The following BICC1 variants were observed in gnomAD, a reference collection of about 807,000 sequenced individuals.
The protein encoded by BICC1 is BicC family RNA binding protein 1.
BICC1 carries 43 observed loss-of-function variants against 111.0 expected under a neutral mutation model. The observed-to-expected ratio is 0.39, with a 90% CI of 0.30 to 0.50. The LOEUF is 0.50. Among genes scored for constraint, BICC1 ranks in the 20% least tolerant of loss-of-function variants. The pLI is 0.88. For synonymous variants in BICC1, 467 were observed against 434.4 expected, an observed-to-expected ratio of 1.07 and a Z score of -0.93; for missense variants, 1,091 against 1,203.2, an observed-to-expected ratio of 0.91 and a Z score of 1.38.
intron 1 of BICC1, among the ~76,000 whole-genome samples, chr10:58,579,488 A>G (rs973217962): frequency 8.5e-5 from 13 of 152,176 alleles, no homozygotes; most frequent in Admixed American, 5.9e-4. Flanking sequence ...ACGTGTCACC[A>G]TGATCAGATC....
chr10:58,718,825 C>T (rs547957280), intron 3 of BICC1, among the ~76,000 whole-genome samples: 15 of 151,240 alleles, frequency 9.9e-5, no homozygotes, highest in Non-Finnish European at 1.2e-4. Context: ...TGTGTGCGTG[C>T]ATGTTTGCCC....
chr10:58,708,994 C>T (rs1840488208), intron 3 of BICC1, among the ~76,000 whole-genome samples: 1 of 152,152 alleles, frequency 6.6e-6, no homozygotes, highest in African/African-American at 2.4e-5. Context: ...TCTCTTAACT[C>T]CTATATCACA....
chr10:58,686,778 T>C (rs1238216998), intron 2 of BICC1, among the ~76,000 whole-genome samples: 1 of 152,218 alleles, frequency 6.6e-6, no homozygotes, highest in Non-Finnish European at 1.5e-5. Flanking sequence ...CTAATCTTTT[T>C]TCAAGGTTTT....
chr10:58,557,937 G>A (rs777000234), intron 1 of BICC1, among the ~76,000 whole-genome samples: 2 of 151,856 alleles, frequency 1.3e-5, no homozygotes, highest in Non-Finnish European at 2.9e-5. Context: ...AGATATTTTC[G>A]TACTCTTGAG....
chr10:58,694,268 G>T (rs535035784), intron 2 of BICC1, among the ~76,000 whole-genome samples: 2 of 152,144 alleles, frequency 1.3e-5, no homozygotes. Context: ...GTGGTTTTAT[G>T]ACTGGGAGAC....
chr10:58,786,118 T>C (rs1273178251), intron 4 of BICC1, among the ~76,000 whole-genome samples: 3 of 152,210 alleles, frequency 2.0e-5, no homozygotes, highest in Non-Finnish European at 2.9e-5. Context: ...ATTTTTGACA[T>C]ATTTTGATAT....
intron 3 of BICC1, among the ~76,000 whole-genome samples, chr10:58,747,278 A>G (rs1841861578): frequency 6.6e-6 from 1 of 152,122 alleles, no homozygotes. Flanking sequence ...ATTGCACCCA[A>G]ATCTTACAAG....
intron 16 of BICC1, 115 bp from the exon 17 acceptor site, chr10:58,806,889 A>G (rs1322514491): frequency 6.3e-6 from 6 of 957,282 alleles, no homozygotes; most frequent in Non-Finnish European, 9.3e-6. Flanking sequence ...GTGTTAAGAA[A>G]TAACATTCAG....
At chr10:58,594,563 C>T (rs192931287) in intron 1 of BICC1, among the ~76,000 whole-genome samples, 1 of 152,222 alleles carries the variant, frequency 6.6e-6, no homozygotes, top group Admixed American at 6.5e-5. Context: ...AGGGTAGGGG[C>T]CAATATTCAA....
At chr10:58,527,915 A>C (rs1842586998) in intron 1 of BICC1, among the ~76,000 whole-genome samples, 1 of 151,934 alleles carries the variant, frequency 6.6e-6, no homozygotes, top group Non-Finnish European at 1.5e-5. Context: ...ATGCTTTCTC[A>C]GTTTCTCCCT....
chr10:58,768,200 A>G (rs574086774), intron 3 of BICC1, among the ~76,000 whole-genome samples: 40 of 152,288 alleles, frequency 2.6e-4, no homozygotes, highest in Middle Eastern at 3.4e-3. Flanking sequence ...AAGAGAAAAG[A>G]GACTCGTCAC....
In BICC1 at chr10:58,745,034, C is replaced by T. The variant is rs191227167; in HGVS notation, c.308-39967C>T. On this transcript the variant is annotated intron_variant, in intron 3 of 20. Transcript: ENST00000373886. ...TTAGATTTTCTATCTCCTGTTATGA[C>T]CCTGTTCTGCTACATTCACATTCTT... Among the ~76,000 whole-genome samples, 359 of 152,252 alleles carry T rather than the reference C, an allele frequency of 2.4e-3. 1 individual carries two copies. The highest frequency in any genetic ancestry group is 8.0e-3 in the African/African-American group (332 of 41,556).
intron 2 of BICC1, among the ~76,000 whole-genome samples, chr10:58,674,928 G>A (rs1839293509): frequency 6.6e-6 from 1 of 152,138 alleles, no homozygotes; most frequent in African/African-American, 2.4e-5. Flanking sequence ...ACAGATAACA[G>A]TTAACCTCTG....
chr10:58,684,762 C>T (rs1481175607), intron 2 of BICC1, among the ~76,000 whole-genome samples: 5 of 151,498 alleles, frequency 3.3e-5, no homozygotes, highest in African/African-American at 1.2e-4. Context: ...TGATTCTTCT[C>T]TCTTCTTTAT....
At chr10:58,534,973 T>A (rs1268663981) in intron 1 of BICC1, among the ~76,000 whole-genome samples, 3 of 151,516 alleles carry the variant, frequency 2.0e-5, no homozygotes, top group African/African-American at 4.8e-5. Context: ...AATAATACAC[T>A]AGATTAAGTA....
At chr10:58,676,788 A>G (rs1194528437) in intron 2 of BICC1, among the ~76,000 whole-genome samples, 1 of 152,170 alleles carries the variant, frequency 6.6e-6, no homozygotes, top group Non-Finnish European at 1.5e-5. Context: ...CAGAAAACTC[A>G]TACAGGAGAG....
intron 14 of BICC1, 27 bp from the exon 15 acceptor site, chr10:58,803,050 G>A: frequency 1.3e-6 from 2 of 1,556,938 alleles, no homozygotes; most frequent in Non-Finnish European, 1.7e-6. Flanking sequence ...ATAGTGGAGT[G>A]TTAAATTCCA....
At chr10:58,698,913 C>T (rs1047802433) in intron 2 of BICC1, among the ~76,000 whole-genome samples, 1 of 152,222 alleles carries the variant, frequency 6.6e-6, no homozygotes, top group African/African-American at 2.4e-5. Context: ...AGTCCCTGCT[C>T]ATAATGGCTA....
At chr10:58,791,115 A>C (rs1368601280) in intron 8 of BICC1, among the ~76,000 whole-genome samples, 2 of 152,208 alleles carry the variant, frequency 1.3e-5, no homozygotes, top group African/African-American at 4.8e-5. Flanking sequence ...GATTTTAAGA[A>C]ATTTGTCATG....
Sources: allele counts gnomAD v4.1 joint callset (sites outside exome capture counted in the v4.1 genomes callset), GRCh38; gene constraint gnomAD v4.1.1; transcripts MANE v1.5; gene names NCBI Gene and HGNC (gene_info 2026-07-23, HGNC 2026-07-21).